Variants in SYCE1 observed in about 807,000 individuals in gnomAD.
SYCE1 encodes synaptonemal complex central element protein 1.
A neutral mutation model predicts 55.1 loss-of-function variants in SYCE1; 37 were observed. The ratio of observed to expected loss-of-function variants is 0.67; its 90% CI spans 0.52 to 0.88. The LOEUF (loss-of-function observed/expected upper bound fraction) is 0.88, where lower values mean the gene tolerates loss of function less well. SYCE1 is among the 40% of genes least tolerant of loss of function. SYCE1 has a pLI of 0.00. For synonymous variants in SYCE1, 163 were observed against 159.4 expected (o/e 1.02, Z -0.17); for missense variants, 399 against 416.4 (o/e 0.96, Z 0.36).
upstream of SYCE1, among the ~76,000 whole-genome samples, chr10:133,567,370 G>A (rs1387899355): frequency 1.3e-5 from 2 of 151,656 alleles, no homozygotes; most frequent in Admixed American, 1.3e-4. Context: ...AGGGGTTAGG[G>A]TTAAGGGTTA....
downstream of SYCE1, chr10:133,554,452 C>A: frequency 1.1e-6 from 1 of 871,640 alleles, no homozygotes. Flanking sequence ...AAACATGTAT[C>A]AGATGCACAT....
chr10:133,562,832 A>G (rs1444148769), intron 1 of SYCE1, among the ~76,000 whole-genome samples: 1 of 152,180 alleles, frequency 6.6e-6, no homozygotes, highest in African/African-American at 2.4e-5. Context: ...TCAGAGATCC[A>G]GTTAAAAGAT....
chr10:133,566,894 GT>G (rs1851953881), upstream of SYCE1, among the ~76,000 whole-genome samples: 1 of 36,196 alleles, frequency 2.8e-5, no homozygotes, highest in Admixed American at 4.0e-4. Context: ...TTACAGTTGG[GT>G]TAAGGGTTGC....
chr10:133,557,174 G>A lies in SYCE1; in HGVS notation c.375-18C>T. ...TGTGCTTCCTGGGAGAGGCGAGGCAGCCCTCAGCCATGTTCTCTTAAGCCC... is the reference window on the plus strand; with the variant it reads ...TGTGCTTCCTGGGAGAGGCGAGGCAACCCTCAGCCATGTTCTCTTAAGCCC... On this transcript the variant is annotated intron_variant, in intron 6 of 12. Coordinates refer to ENST00000343131, the MANE Select transcript of SYCE1 (RefSeq NM_001143764.3). 1 of 1,610,092 alleles carries A rather than the reference G, an allele frequency of 6.2e-7. No individual in the cohort carries two copies. Among genetic ancestry groups the A allele is most frequent in the African/African-American group, 1.3e-5 (1 of 74,964 alleles).
At chr10:133,558,832 C>T in intron 4 of SYCE1, 45 bp downstream of exon 4, 2 of 1,598,014 alleles carry the variant, frequency 1.3e-6, no homozygotes, top group Non-Finnish European at 1.7e-6. Flanking sequence ...TTAGGGGAGG[C>T]TTAAGACACT....
At chr10:133,557,260 A>G in intron 6 of SYCE1, 104 bp from the exon 7 acceptor site, 2 of 884,004 alleles carry the variant, frequency 2.3e-6, no homozygotes, top group African/African-American at 3.3e-5. Flanking sequence ...TTCCCTCTAC[A>G]TTAAGGTCCT....
At chr10:133,558,050 A>C in intron 5 of SYCE1, 117 bp downstream of exon 5, 1 of 1,519,072 alleles carries the variant, frequency 6.6e-7, no homozygotes, top group Non-Finnish European at 9.1e-7. Context: ...GTCTGGTGGA[A>C]GCCACAGGAG....
chr10:133,560,149 C>T lies in SYCE1; in HGVS notation c.78G>A (p.Gln26=), dbSNP rs375889024. Reference sequence around the variant, plus strand: ...CTTCAATTTTCTGTGAGGACGTGTCCTGCCCTGTGGAGACAAAACCAAACA... The same window carrying T: ...CTTCAATTTTCTGTGAGGACGTGTCTTGCCCTGTGGAGACAAAACCAAACA... The part of the protein sequence containing the change: ...AVDRAEKAGG[Q]DTSSQKIEDL... The change falls in exon 2 of 13, where the codon CAG becomes CAA. Residue 26 remains glutamine (Q), a synonymous_variant. Coordinates refer to ENST00000343131, the MANE Select transcript of SYCE1 (RefSeq NM_001143764.3). The T allele has an allele frequency of 2.5e-6, 4 of 1,613,938 alleles. No individual in the cohort carries two copies. Among genetic ancestry groups the T allele is most frequent in the East Asian group, 2.2e-5 (1 of 44,862 alleles).
intron 6 of SYCE1, chr10:133,557,368 G>A (rs1047876221): frequency 2.9e-5 from 17 of 580,764 alleles, no homozygotes; most frequent in Middle Eastern, 4.5e-4. Context: ...ATGGTTAAGT[G>A]AGCAAATGCA....
intron 4 of SYCE1, 147 bp downstream of exon 4, chr10:133,558,728 CAG>C (rs1428528919): frequency 8.0e-5 from 61 of 761,350 alleles, no homozygotes; most frequent in South Asian, 3.4e-5. Flanking sequence ...CTCCCACAAG[CAG>C]AGAGGAGAGG....
At chr10:133,568,017 G>T, upstream of SYCE1, 1 of 606,784 alleles carries the variant, frequency 1.6e-6, no homozygotes, top group East Asian at 3.4e-5. Flanking sequence ...AAGGGAGGAA[G>T]GGGGAGCCCA....
chr10:133,557,547 T>A (rs578054847), intron 6 of SYCE1: 2 of 501,236 alleles, frequency 4.0e-6, no homozygotes, highest in South Asian at 2.6e-5. Flanking sequence ...GGACAAATGG[T>A]TGGCTCAATG....
At position 133,555,402 on chromosome 10, in the gene SYCE1, G is replaced by T. The variant is rs138177213; in HGVS notation, c.867C>A (p.Val289=). Residue 289 remains valine, a synonymous_variant, in exon 12 of 13, where the codon GTC becomes GTA. Coordinates refer to ENST00000343131, the MANE Select transcript of SYCE1 (RefSeq NM_001143764.3). ...KEELEKHGMQ[V]PAQAQSTQEE... is the part of the protein sequence containing the mutation. ...CTTGTGTGCTCTGGGCTTGGGCAGGGACTTGCATTCCATGCTTTTCCAGCT... is the reference window on the plus strand; with the variant it reads ...CTTGTGTGCTCTGGGCTTGGGCAGGTACTTGCATTCCATGCTTTTCCAGCT... 7 of 1,614,130 alleles carry T rather than the reference G, an allele frequency of 4.3e-6. No individual in the cohort carries two copies. The South Asian group carries it at 7.7e-5, about 18-fold the overall frequency.
chr10:133,564,851 T>C (rs1851889095), intron 1 of SYCE1, among the ~76,000 whole-genome samples: 1 of 152,200 alleles, frequency 6.6e-6, no homozygotes, highest in Non-Finnish European at 1.5e-5. Flanking sequence ...GCCAGGACAG[T>C]GTCCTTTCTC....
intron 1 of SYCE1, chr10:133,560,547 GATT>G (rs2133624429): frequency 6.4e-6 from 1 of 157,184 alleles, no homozygotes; most frequent in East Asian, 1.9e-4. Flanking sequence ...AAACCATAAG[GATT>G]AGTAACAAAA....
downstream of SYCE1, chr10:133,554,776 G>A (rs183871257): frequency 2.6e-3 from 3,848 of 1,458,064 alleles, 9 homozygotes; most frequent in Non-Finnish European, 3.1e-3. Context: ...AGAGCGTCTC[G>A]GGCCTGCATC....
In SYCE1 at chr10:133,562,261, A is replaced by ATG. The variant is rs59050384; in HGVS notation, c.74-2110_74-2109dup. Among the ~76,000 whole-genome samples the ATG allele has an allele frequency of 2.2e-3, 310 of 143,052 alleles. 1 individual carries two copies. Among genetic ancestry groups the ATG allele is most frequent in the African/African-American group, 7.5e-3 (286 of 38,318 alleles). The allele number at this position is 143,052 out of a possible 152,430, so 93.8% of individuals were successfully genotyped here. On this transcript the variant is annotated intron_variant, in intron 1 of 12. Coordinates refer to ENST00000343131, the MANE Select transcript of SYCE1 (RefSeq NM_001143764.3). ...CATCTTAATTAAAAGCTAACATCCA[A>ATG]TGTGTGTGTGTGTGTGTGTGTGTGT...
intron 1 of SYCE1, among the ~76,000 whole-genome samples, chr10:133,563,689 CA>C (rs10659883): frequency 0.17 from 24,713 of 142,398 alleles, 3,389 homozygotes; most frequent in African/African-American, 0.41. Context: ...AATCTCGTCT[CA>C]AAAAAAAAAA....
chr10:133,556,998 C>A (rs1851700122), intron 7 of SYCE1, 69 bp downstream of exon 7: 2 of 1,532,852 alleles, frequency 1.3e-6, no homozygotes, highest in Non-Finnish European at 1.8e-6. Flanking sequence ...GCTTTTCTAA[C>A]CCCCATCTTT....
Sources: allele counts gnomAD v4.1 joint callset (sites outside exome capture counted in the v4.1 genomes callset), GRCh38; gene constraint gnomAD v4.1.1; transcripts MANE v1.5; gene names NCBI Gene and HGNC (gene_info 2026-07-23, HGNC 2026-07-21).